CTSO: variants seen among roughly 807,000 people sequenced by gnomAD.
CTSO encodes cathepsin O.
Under a neutral mutation model 42.4 loss-of-function variants are expected in CTSO, and 40 were observed. That is an observed-to-expected ratio of 0.94 (90% CI 0.73 to 1.23). The LOEUF is 1.23. Ranked by LOEUF, CTSO falls within the 50% of genes most tolerant of loss-of-function variation. The pLI, the probability that CTSO is intolerant of heterozygous loss-of-function variation, is 0.00. For missense variants in CTSO, 441 were observed against 396.0 expected (o/e 1.11, Z -0.96); for synonymous variants, 156 against 146.2 (o/e 1.07, Z -0.48).
At chr4:155,951,472 A>T (rs1369010739) in intron 1 of CTSO, among the ~76,000 whole-genome samples, 1 of 152,152 alleles carries the variant, frequency 6.6e-6, no homozygotes, top group South Asian at 2.1e-4. Context: ...CCCATAATAA[A>T]CCATAGTGGA....
At chr4:155,929,212 A>G (rs542640573) in intron 6 of CTSO, among the ~76,000 whole-genome samples, 2 of 152,316 alleles carry the variant, frequency 1.3e-5, no homozygotes, top group African/African-American at 4.8e-5. Flanking sequence ...TATAGAAACA[A>G]TGCTTATCCC....
intron 7 of CTSO, among the ~76,000 whole-genome samples, chr4:155,928,004 A>T (rs1743161514): frequency 6.6e-6 from 1 of 152,164 alleles, no homozygotes; most frequent in Non-Finnish European, 1.5e-5. Flanking sequence ...TATGAAATGT[A>T]AATTTGGAAC....
rs1472130798 is a variant in CTSO, at chr4:155,928,348, TTCCCA to T, written c.914_918del (p.Met305LysfsTer2). ...ACTCATGACTTACCACAAACATTAC[TTCCCA>T]TTTTGACATGGGCATAACCATCTAC... On this transcript the variant is annotated frameshift_variant, in exon 7 of 8. Coordinates refer to ENST00000433477, the MANE Select transcript of CTSO (RefSeq NM_001334.3). LOFTEE classifies it high-confidence loss of function. 6.2e-7 allele frequency: 1 copy of T among 1,611,558 alleles called. No homozygotes were observed. Among genetic ancestry groups the T allele is most frequent in the Non-Finnish European group, 8.5e-7 (1 of 1,178,432 alleles).
rs1217411730 is a variant in CTSO, at chr4:155,925,620, T to C, written c.*416A>G. On this transcript the variant is annotated 3_prime_UTR_variant, in exon 8 of 8. Transcript: ENST00000433477. ...GCCATTCTTGTGTATAGGGGTAATC[T>C]AAAGCTAGTAGTTACACCCCACAAA... The C allele has an allele frequency of 5.6e-6, 1 of 179,654 alleles. No homozygotes were observed. The highest frequency in any genetic ancestry group is 6.3e-5 in the Admixed American group (1 of 15,764). 11.1% of individuals were successfully genotyped at this position (179,654 alleles called of 1,614,324 possible).
intron 1 of CTSO, among the ~76,000 whole-genome samples, chr4:155,944,150 G>A (rs1743492713): frequency 6.6e-6 from 1 of 152,190 alleles, no homozygotes; most frequent in African/African-American, 2.4e-5. Context: ...GCACATGGCT[G>A]ACACACAATA....
At chr4:155,948,972 T>G (rs1579349891) in intron 1 of CTSO, among the ~76,000 whole-genome samples, 1 of 152,228 alleles carries the variant, frequency 6.6e-6, no homozygotes, top group Admixed American at 6.5e-5. Context: ...AAATCATGTA[T>G]TTTCTTCTTG....
At chr4:155,943,293 T>C (rs771800119) in intron 1 of CTSO, 29 bp from the exon 2 acceptor site, 1 of 1,363,146 alleles carries the variant, frequency 7.3e-7, no homozygotes, top group Non-Finnish European at 1.0e-6. Context: ...CTATTTCATA[T>C]CCACTATGTC....
intron 5 of CTSO, among the ~76,000 whole-genome samples, chr4:155,935,605 C>A (rs1275229938): frequency 6.6e-6 from 1 of 152,090 alleles, no homozygotes; most frequent in East Asian, 1.9e-4. Flanking sequence ...ACTACCAGAT[C>A]GTTTCTCTTC....
intron 1 of CTSO, among the ~76,000 whole-genome samples, chr4:155,949,307 A>C (rs140273516): frequency 6.6e-6 from 1 of 152,336 alleles, no homozygotes; most frequent in East Asian, 1.9e-4. Flanking sequence ...GAAGCGTTAT[A>C]AACTTTAAGG....
intron 7 of CTSO, among the ~76,000 whole-genome samples, chr4:155,927,758 G>C (rs1170684127): frequency 6.6e-6 from 1 of 151,854 alleles, no homozygotes; most frequent in Non-Finnish European, 1.5e-5. Flanking sequence ...CTGGGAGACA[G>C]AGCGAGACTC....
chr4:155,939,563 G>A, intron 3 of CTSO, 25 bp from the exon 4 acceptor site: 2 of 1,579,932 alleles, frequency 1.3e-6, no homozygotes, highest in Non-Finnish European at 1.7e-6. Context: ...AAAAAGGGGT[G>A]GTATTTCCAG....
chr4:155,944,672 C>G (rs1030917860), intron 1 of CTSO, among the ~76,000 whole-genome samples: 3 of 152,098 alleles, frequency 2.0e-5, no homozygotes, highest in African/African-American at 7.2e-5. Context: ...CATGATCACA[C>G]CAAGGGAAGC....
At position 155,953,805 on chromosome 4, in the gene CTSO, G is replaced by C. The variant is rs1300374390; in HGVS notation, c.43C>G (p.Leu15Val). The change falls in exon 1 of 8, where the codon CTG (leucine) becomes GTG (valine). Residue 15 changes from leucine (L) to valine (V), a missense_variant. Transcript: ENST00000433477. ...GCATCGCCGCCGCCCCGGCACAGCAGCCACAGCAGCCACGGCAGCCACGGC... is the reference window on the plus strand; with the variant it reads ...GCATCGCCGCCGCCCCGGCACAGCACCCACAGCAGCCACGGCAGCCACGGC... ...ALPWLPWLLW[L>V]LCRGGGDADS... 7.4e-7 allele frequency: 1 copy of C among 1,347,124 alleles called. No individual in the cohort carries two copies. The highest frequency in any genetic ancestry group is 3.0e-5 in the Admixed American group (1 of 32,952). 83.4% of individuals were successfully genotyped at this position (1,347,124 alleles called of 1,614,324 possible).
At chr4:155,934,597 A>G (rs116201411) in intron 5 of CTSO, among the ~76,000 whole-genome samples, 13 of 152,200 alleles carry the variant, frequency 8.5e-5, no homozygotes, top group African/African-American at 2.9e-4. Flanking sequence ...GCTCAAGACC[A>G]TTAGAACCCA....
Position 155,953,779 on chromosome 4 carries a change from C to T in CTSO, c.69G>A (p.Ala23=), listed in dbSNP as rs2110944562. The part of the protein sequence containing the change: ...LWLLCRGGGD[A]DSRAPFTPTW... ...TCGGGGTGAAGGGGGCGCGGGAGTCCGCATCGCCGCCGCCCCGGCACAGCA... is the reference window on the plus strand; with the variant it reads ...TCGGGGTGAAGGGGGCGCGGGAGTCTGCATCGCCGCCGCCCCGGCACAGCA... The change falls in exon 1 of 8, where the codon GCG becomes GCA. Residue 23 remains alanine (A), a synonymous_variant. Transcript: ENST00000433477. 1 of 1,340,014 alleles carries T rather than the reference C, an allele frequency of 7.5e-7. No homozygotes were observed. Among genetic ancestry groups the T allele is most frequent in the Non-Finnish European group, 9.6e-7 (1 of 1,042,158 alleles). 83.0% of individuals were successfully genotyped at this position (1,340,014 alleles called of 1,614,324 possible). A position where few individuals can be genotyped will look rare whatever the true frequency, so the allele number is the denominator to read the frequency against.
In CTSO at chr4:155,953,724, C is replaced by A. The variant is rs986025700; in HGVS notation, c.124G>T (p.Ala42Ser). The change falls in exon 1 of 8, where the codon GCC (alanine) becomes TCC (serine). Residue 42 changes from alanine (A) to serine (S), a missense_variant. By Grantham distance (99) the Ala-to-Ser change is moderately conservative. Coordinates refer to ENST00000433477, the MANE Select transcript of CTSO (RefSeq NM_001334.3). ...TWPRSREREA[A>S]AFRESLNRHR... Reference sequence around the variant, plus strand: ...CGCGCGCTCGGTACCCGGAAGGCGGCGGCTTCACGCTCGCGGCTCCGCGGC... The same window carrying A: ...CGCGCGCTCGGTACCCGGAAGGCGGAGGCTTCACGCTCGCGGCTCCGCGGC... 3 of 1,270,382 alleles carry A rather than the reference C, an allele frequency of 2.4e-6. No individual in the cohort carries two copies. The highest frequency in any genetic ancestry group is 5.6e-5 in the South Asian group (2 of 35,692). 78.7% of individuals were successfully genotyped at this position (1,270,382 alleles called of 1,614,324 possible).
intron 5 of CTSO, among the ~76,000 whole-genome samples, chr4:155,934,413 CCA>C (rs1743293562): frequency 6.6e-6 from 1 of 152,192 alleles, no homozygotes; most frequent in African/African-American, 2.4e-5. Context: ...GTTGGAGGCT[CCA>C]CACAGAGTCC....
chr4:155,952,429 T>C (rs779172090), intron 1 of CTSO, among the ~76,000 whole-genome samples: 3 of 152,230 alleles, frequency 2.0e-5, no homozygotes, highest in Non-Finnish European at 4.4e-5. Context: ...TTTAGGAGCC[T>C]GACAGTGTGT....
At chr4:155,928,150 C>T (rs891536973) in intron 7 of CTSO, among the ~76,000 whole-genome samples, 186 bp downstream of exon 7, 3 of 151,534 alleles carry the variant, frequency 2.0e-5, no homozygotes, top group African/African-American at 7.3e-5. Flanking sequence ...TACTAAGGTC[C>T]CTCTTCCTTT....
Sources: gnomAD v4.1 joint callset for allele counts (sites outside exome capture counted in the v4.1 genomes callset) on GRCh38, gnomAD v4.1.1 for gene constraint, MANE v1.5 for transcripts, NCBI Gene and HGNC (gene_info 2026-07-23, HGNC 2026-07-21) for gene names.